Variants in ATF1 observed in about 807,000 individuals in gnomAD.
ATF1 encodes activating transcription factor 1.
ATF1 carries 16 observed loss-of-function variants against 34.7 expected under a neutral mutation model. The observed-to-expected ratio is 0.46, with a 90% confidence interval of 0.31 to 0.70. The LOEUF is 0.70. Ranked by LOEUF, ATF1 falls within the 30% of genes least tolerant of loss-of-function variation. The probability of loss-of-function intolerance (pLI) is 0.05; values close to 1 mark genes in which losing one functional copy is unlikely to be tolerated. For synonymous variants in ATF1, 105 were observed against 113.1 expected (o/e 0.93, Z 0.46); for missense variants, 255 against 321.6 (o/e 0.79, Z 1.58).
rs17291650 is a variant in ATF1, at chr12:50,819,650, A to G, written c.687A>G (p.Glu229=). 135,013 of 1,612,082 alleles carry G rather than the reference A, an allele frequency of 0.084. 6,390 individuals carry two copies. The highest frequency in any genetic ancestry group is 0.096 in the Non-Finnish European group (113,680 of 1,179,126). ...RLMKNREAAR[E]CRRKKKEYVK... ...TCATATTTAGAGAAGCTGCTCGAGA[A>G]TGTCGCAGAAAGAAGAAAGAATATG... Residue 229 remains glutamate, a synonymous_variant, in exon 7 of 7, where the codon GAA becomes GAG. Coordinates refer to ENST00000262053, the MANE Select transcript of ATF1 (RefSeq NM_005171.5).
At chr12:50,798,159 G>T (rs1941445714) in intron 3 of ATF1, among the ~76,000 whole-genome samples, 1 of 151,112 alleles carries the variant, frequency 6.6e-6, no homozygotes, top group Non-Finnish European at 1.5e-5. Context: ...TAAAAAAAAA[G>T]AAAAAAGAAA....
intron 6 of ATF1, among the ~76,000 whole-genome samples, chr12:50,816,305 C>T (rs932426116): frequency 6.6e-6 from 1 of 151,738 alleles, no homozygotes; most frequent in Non-Finnish European, 1.5e-5. Context: ...GGCAACAGAG[C>T]AAGACCCTAT....
rs1027373422 is a variant in ATF1, at chr12:50,769,199, A to G, written c.-7+4892A>G. Among the ~76,000 whole-genome samples, 35 of 152,128 alleles carry G rather than the reference A, an allele frequency of 2.3e-4. 1 individual carries two copies. The highest frequency in any genetic ancestry group is 4.4e-5 in the Non-Finnish European group (3 of 68,008). On this transcript the variant is annotated intron_variant, in intron 1 of 6. Coordinates refer to ENST00000262053, the MANE Select transcript of ATF1 (RefSeq NM_005171.5). Reference sequence around the variant, plus strand: ...TGGAAATGTGGGGTTTTTTGGCTAAAGAGTTAAATAATTATTCTAAGTTGG... The same window carrying G: ...TGGAAATGTGGGGTTTTTTGGCTAAGGAGTTAAATAATTATTCTAAGTTGG...
intron 2 of ATF1, among the ~76,000 whole-genome samples, chr12:50,785,209 C>T (rs573885504): frequency 2.0e-5 from 3 of 149,576 alleles, no homozygotes; most frequent in South Asian, 2.1e-4. Context: ...ACTCCTTGAG[C>T]CCAGGAGTTC....
At chr12:50,772,247 G>A (rs911356679) in intron 1 of ATF1, among the ~76,000 whole-genome samples, 1 of 151,908 alleles carries the variant, frequency 6.6e-6, no homozygotes, top group African/African-American at 2.4e-5. Flanking sequence ...CAAAGTGCTG[G>A]GATTACAGGA....
chr12:50,795,758 T>C (rs528548586), intron 2 of ATF1, 151 bp from the exon 3 acceptor site: 9 of 664,872 alleles, frequency 1.4e-5, no homozygotes, highest in Non-Finnish European at 2.3e-5. Flanking sequence ...CATTTTTCCT[T>C]TTCCTTTTGT....
chr12:50,802,039 A>G (rs536286941), intron 3 of ATF1, among the ~76,000 whole-genome samples: 20 of 152,336 alleles, frequency 1.3e-4, no homozygotes, highest in African/African-American at 4.8e-4. Flanking sequence ...ACTAATCAAC[A>G]AGTTCCAGCA....
intron 4 of ATF1, among the ~76,000 whole-genome samples, chr12:50,811,608 T>C (rs1256355115): frequency 7.1e-6 from 1 of 139,928 alleles, no homozygotes; most frequent in African/African-American, 2.7e-5. Context: ...ATAGCAAGAC[T>C]GTGTCTTCAC....
At chr12:50,816,582 A>G (rs1941847275) in intron 6 of ATF1, among the ~76,000 whole-genome samples, 1 of 152,150 alleles carries the variant, frequency 6.6e-6, no homozygotes, top group Non-Finnish European at 1.5e-5. Context: ...AAATATGCAC[A>G]GAAACATTTT....
intron 3 of ATF1, among the ~76,000 whole-genome samples, chr12:50,802,050 A>G (rs1941522131): frequency 6.6e-6 from 1 of 152,252 alleles, no homozygotes. Context: ...AGTTCCAGCA[A>G]GGTTGTAGGA....
rs1941910532 is a variant in ATF1, at chr12:50,819,702, G to A, written c.739G>A (p.Val247Ile). The A allele has an allele frequency of 1.2e-6, 2 of 1,611,390 alleles. No homozygotes were observed. The highest frequency in any genetic ancestry group is 4.5e-5 in the East Asian group (2 of 44,842). ...YVKCLENRVA[V>I]LENQNKTLIE... The stretch of plus-strand genomic sequence containing the variant: ...GAAATGCCTGGAAAACCGAGTTGCA[G>A]TCCTGGAAAATCAAAATAAAACTCT... Residue 247 changes from valine (V) to isoleucine (I), a missense_variant, in exon 7 of 7, where the codon GTC becomes ATC. Physicochemically the swap from Val to Ile is conservative, Grantham distance 29 (BLOSUM62 3). Around this residue, in one of 2 missense-constraint regions of ATF1, gnomAD observed 34 missense variants for 70.8 expected, o/e 0.48. Coordinates refer to ENST00000262053, the MANE Select transcript of ATF1 (RefSeq NM_005171.5).
intron 1 of ATF1, among the ~76,000 whole-genome samples, chr12:50,779,401 C>T (rs1057206483): frequency 2.6e-5 from 4 of 152,196 alleles, no homozygotes; most frequent in Non-Finnish European, 4.4e-5. Flanking sequence ...AGTTTCTCCA[C>T]ATCCTTGCCA....
chr12:50,814,293 T>A lies in ATF1; in HGVS notation c.525T>A (p.Asp175Glu), dbSNP rs1323222380. Reference sequence around the variant, plus strand: ...TTTACCATCTAGCTGCATCAGGAGATATGCAAACATATCAGATCCGAACTA... The same window carrying A: ...TTTACCATCTAGCTGCATCAGGAGAAATGCAAACATATCAGATCCGAACTA... Reference protein sequence around the residue: ...NQVVVQTASGDMQTYQIRTTP... With the variant: ...NQVVVQTASGEMQTYQIRTTP... The change falls in exon 6 of 7, where the codon GAT becomes GAA. Residue 175 changes from aspartate (D) to glutamate (E), a missense_variant. Asp to Glu is a conservative substitution (Grantham distance 45, BLOSUM62 2). Around this residue, in one of 2 missense-constraint regions of ATF1, gnomAD observed 221 missense variants for 250.7 expected, o/e 0.88. Coordinates refer to ENST00000262053, the MANE Select transcript of ATF1 (RefSeq NM_005171.5). 6.2e-7 allele frequency: 1 copy of A among 1,614,080 alleles called. No individual in the cohort carries two copies. Among genetic ancestry groups the A allele is most frequent in the Non-Finnish European group, 8.5e-7 (1 of 1,180,040 alleles).
At chr12:50,781,596 G>GTAAT (rs1320753655) in intron 2 of ATF1, among the ~76,000 whole-genome samples, 3 of 151,832 alleles carry the variant, frequency 2.0e-5, no homozygotes, top group Non-Finnish European at 4.4e-5. Flanking sequence ...GATTACAGGC[G>GTAAT]CCCACCACCA....
intron 3 of ATF1, among the ~76,000 whole-genome samples, chr12:50,807,337 C>T (rs1027766738): frequency 2.6e-5 from 4 of 151,712 alleles, no homozygotes; most frequent in Non-Finnish European, 4.4e-5. Context: ...CCTGAGAAGT[C>T]ACGGTGGGGT....
chr12:50,779,831 G>T (rs560142750), intron 1 of ATF1, among the ~76,000 whole-genome samples: 1 of 152,014 alleles, frequency 6.6e-6, no homozygotes, highest in South Asian at 2.1e-4. Flanking sequence ...AACTTCCCTA[G>T]ACTAGAGACA....
At chr12:50,811,387 G>GT (rs1215894060) in intron 4 of ATF1, among the ~76,000 whole-genome samples, 1 of 151,988 alleles carries the variant, frequency 6.6e-6, no homozygotes, top group African/African-American at 2.4e-5. Flanking sequence ...AGAACCTTTT[G>GT]TTTCATTCAC....
chr12:50,790,216 T>TG (rs970398370), intron 2 of ATF1, among the ~76,000 whole-genome samples: 2 of 150,920 alleles, frequency 1.3e-5, no homozygotes, highest in African/African-American at 4.9e-5. Flanking sequence ...TTTTTTTTTT[T>TG]TGAGACAGTT....
chr12:50,817,107 T>C (rs955710598), intron 6 of ATF1, among the ~76,000 whole-genome samples: 2 of 152,192 alleles, frequency 1.3e-5, no homozygotes, highest in Non-Finnish European at 2.9e-5. Context: ...TTAGGCCTTA[T>C]CTTGTACAGT....
Sources: gnomAD v4.1 joint callset for allele counts (sites outside exome capture counted in the v4.1 genomes callset) on GRCh38, gnomAD v4.1.1 for gene constraint, gnomAD v4.1.1 regional missense constraint, MANE v1.5 for transcripts, NCBI Gene and HGNC (gene_info 2026-07-23, HGNC 2026-07-21) for gene names.